ATP8A2: variants seen among roughly 807,000 people sequenced by gnomAD.
ATP8A2 encodes the protein ATPase phospholipid transporting 8A2, also known as phospholipid-transporting ATPase IB.
Under a neutral mutation model 165.6 loss-of-function variants are expected in ATP8A2, and 100 were observed. The observed-to-expected ratio is 0.60, with a 90% CI of 0.51 to 0.71. The LOEUF is 0.71. Ranked by LOEUF, ATP8A2 falls within the 30% of genes least tolerant of loss-of-function variation. The pLI is 0.00. For synonymous variants in ATP8A2, 543 were observed against 548.8 expected, an observed-to-expected ratio of 0.99 and a Z score of 0.15; for missense variants, 1,227 against 1,479.5, an observed-to-expected ratio of 0.83 and a Z score of 2.80.
chr13:25,916,053 A>G (rs909514509), intron 33 of ATP8A2, among the ~76,000 whole-genome samples: 3 of 152,228 alleles, frequency 2.0e-5, no homozygotes, highest in Admixed American at 1.3e-4. Context: ...ACATGAAGCC[A>G]GTGCTATTTA....
chr13:25,598,529 A>G (rs1565966503), intron 24 of ATP8A2, among the ~76,000 whole-genome samples: 1 of 152,202 alleles, frequency 6.6e-6, no homozygotes, highest in Non-Finnish European at 1.5e-5. Flanking sequence ...TACTCTCAGC[A>G]GTATTTTGTA....
At chr13:25,419,545 C>A (rs948831943) in intron 1 of ATP8A2, among the ~76,000 whole-genome samples, 1 of 152,142 alleles carries the variant, frequency 6.6e-6, no homozygotes, top group East Asian at 1.9e-4. Flanking sequence ...TAATGCCCAA[C>A]GCACTTACTC....
intron 27 of ATP8A2, among the ~76,000 whole-genome samples, chr13:25,814,184 G>C (rs919161560): frequency 1.5e-4 from 23 of 151,940 alleles, no homozygotes; most frequent in African/African-American, 5.1e-4. Flanking sequence ...GTGGTATTTA[G>C]AATCCATTAG....
At position 25,503,120 on chromosome 13, in the gene ATP8A2, A is replaced by G. The variant is rs571878015; in HGVS notation, c.222-26879A>G. Among the ~76,000 whole-genome samples, 103 of 152,258 alleles carry G rather than the reference A, an allele frequency of 6.8e-4. 1 individual carries two copies. Among genetic ancestry groups the G allele is most frequent in the African/African-American group, 2.4e-3 (99 of 41,548 alleles). ...GAAACGCCTCTCTGATATTGGGTCT[A>G]GAAGAGACACGAGCTGCCACCTGGC... On this transcript the variant is annotated intron_variant, in intron 2 of 36. Transcript: ENST00000381655.
chr13:25,484,760 G>A (rs192634280), intron 2 of ATP8A2, among the ~76,000 whole-genome samples: 1,562 of 152,154 alleles, frequency 0.01, 77 homozygotes, highest in Admixed American at 0.085. Context: ...CAAGTGATCC[G>A]CCTGCCTCAG....
intron 1 of ATP8A2, among the ~76,000 whole-genome samples, chr13:25,385,957 G>A (rs1361651970): frequency 6.6e-6 from 1 of 150,828 alleles, no homozygotes; most frequent in Non-Finnish European, 1.5e-5. Context: ...CTGTTGCCCA[G>A]GCTGGAGTGC....
chr13:25,738,317 CT>C (rs1206448488), intron 25 of ATP8A2, among the ~76,000 whole-genome samples: 1 of 135,890 alleles, frequency 7.4e-6, no homozygotes, highest in Non-Finnish European at 1.5e-5. Context: ...ATTGTCTCTG[CT>C]TTTTTTCTTT....
At chr13:25,906,574 C>A (rs572577836) in intron 33 of ATP8A2, among the ~76,000 whole-genome samples, 6 of 152,060 alleles carry the variant, frequency 3.9e-5, no homozygotes, top group African/African-American at 1.2e-4. Context: ...AACGCTCCCC[C>A]GCCTTCTCTC....
chr13:25,726,689 A>G (rs2043501653), intron 25 of ATP8A2, among the ~76,000 whole-genome samples: 3 of 152,120 alleles, frequency 2.0e-5, no homozygotes, highest in African/African-American at 4.8e-5. Context: ...ATCCTTTACT[A>G]TACCTGCACA....
chr13:26,003,179 A>G (rs558012449), intron 35 of ATP8A2, among the ~76,000 whole-genome samples: 1 of 149,874 alleles, frequency 6.7e-6, no homozygotes, highest in South Asian at 2.1e-4. Flanking sequence ...CTGCATTCTC[A>G]CCAATACTTG....
rs115761194 is a variant in ATP8A2 at position 25,915,403 on chromosome 13, C to T, written c.3184-46172C>T. Among the ~76,000 whole-genome samples the T allele has an allele frequency of 7.3e-3, 1,116 of 152,216 alleles. 18 individuals carry two copies. Among genetic ancestry groups the T allele is most frequent in the African/African-American group, 0.025 (1,037 of 41,522 alleles). ...CTGGGGGTGAACAACAGCAGAAAAT[C>T]GCCACCACCCTGTGATGAAAGGACC... On this transcript the variant is annotated intron_variant, in intron 33 of 36. Transcript: ENST00000381655.
chr13:25,858,626 G>C (rs1952240491), intron 30 of ATP8A2, among the ~76,000 whole-genome samples: 1 of 152,130 alleles, frequency 6.6e-6, no homozygotes, highest in Admixed American at 6.5e-5. Flanking sequence ...AATAGATATT[G>C]ATTCTCTAAT....
At chr13:25,534,997 C>T (rs755269756) in intron 6 of ATP8A2, among the ~76,000 whole-genome samples, 4 of 152,168 alleles carry the variant, frequency 2.6e-5, no homozygotes, top group African/African-American at 7.2e-5. Context: ...ACTAACCTAA[C>T]GCAGTGCAGT....
At chr13:25,589,781 T>A (rs1369989423) in intron 24 of ATP8A2, 82 bp downstream of exon 24, 11 of 862,708 alleles carry the variant, frequency 1.3e-5, no homozygotes, top group Middle Eastern at 2.6e-4. Context: ...TAATCAGGGA[T>A]CATGTTTTGC....
rs1013112561 is a variant in ATP8A2 at position 25,453,247 on chromosome 13, C to A, written c.77-15730C>A. 3.9e-5 allele frequency among the ~76,000 whole-genome samples: 6 copies of A among 151,988 alleles called. No individual in the cohort carries two copies. In the South Asian group the frequency reaches 8.4e-4, roughly 21 times the overall value. ...GTTCAAATGATACTCCTGCCTCAGCCTCCCGAGTAGCTGGGATTACAGGCG... is the reference window on the plus strand; with the variant it reads ...GTTCAAATGATACTCCTGCCTCAGCATCCCGAGTAGCTGGGATTACAGGCG... On this transcript the variant is annotated intron_variant, in intron 1 of 36. Coordinates refer to ENST00000381655, the MANE Select transcript of ATP8A2 (RefSeq NM_016529.6).
chr13:25,463,563 C>G (rs542164975), intron 1 of ATP8A2, among the ~76,000 whole-genome samples: 8 of 152,216 alleles, frequency 5.3e-5, no homozygotes, highest in Admixed American at 4.6e-4. Flanking sequence ...CTCACTTTTA[C>G]CTGCTCCCCT....
At chr13:25,925,604 G>A (rs2139049438) in intron 33 of ATP8A2, among the ~76,000 whole-genome samples, 1 of 151,932 alleles carries the variant, frequency 6.6e-6, no homozygotes, top group South Asian at 2.1e-4. Flanking sequence ...TGCTGAGAAT[G>A]TAATGAAATG....
intron 33 of ATP8A2, among the ~76,000 whole-genome samples, chr13:25,940,527 C>G (rs1179058764): frequency 6.6e-6 from 1 of 152,212 alleles, no homozygotes; most frequent in Non-Finnish European, 1.5e-5. Context: ...ATATTACCGC[C>G]CCCGGTTCCC....
chr13:25,881,135 G>T (rs1352345282), intron 33 of ATP8A2, among the ~76,000 whole-genome samples: 1 of 152,114 alleles, frequency 6.6e-6, no homozygotes, highest in Non-Finnish European at 1.5e-5. Context: ...TGTTTGGGGG[G>T]CATTTTTTTT....
Sources: gnomAD v4.1 joint callset for allele counts (sites outside exome capture counted in the v4.1 genomes callset) on GRCh38, gnomAD v4.1.1 for gene constraint, MANE v1.5 for transcripts, NCBI Gene and HGNC (gene_info 2026-07-23, HGNC 2026-07-21) for gene names.